RMDN2: variants seen among roughly 807,000 people sequenced by gnomAD.
RMDN2 encodes the protein regulator of microtubule dynamics protein 2.
In RMDN2, 61 loss-of-function variants were observed where a neutral mutation model predicts 52.8. That is an observed-to-expected ratio of 1.16 (90% CI 0.94 to 1.43). The LOEUF (loss-of-function observed/expected upper bound fraction) is 1.43. Among genes scored for constraint, RMDN2 ranks in the 40% most tolerant of loss-of-function variants. The pLI is 0.00. For synonymous variants in RMDN2, 180 were observed against 153.1 expected, an observed-to-expected ratio of 1.18 and a Z score of -1.30; for missense variants, 592 against 475.3, an observed-to-expected ratio of 1.25 and a Z score of -2.28.
intron 2 of RMDN2, among the ~76,000 whole-genome samples, chr2:37,967,078 T>A (rs1297122352): frequency 6.6e-6 from 1 of 151,852 alleles, no homozygotes; most frequent in Non-Finnish European, 1.5e-5. Flanking sequence ...TAAGAAGGGA[T>A]GAGGTGATGT....
intron 2 of RMDN2, among the ~76,000 whole-genome samples, chr2:37,942,217 C>T (rs912557409): frequency 6.6e-6 from 1 of 152,178 alleles, no homozygotes; most frequent in African/African-American, 2.4e-5. Context: ...TCACCTCACC[C>T]TCCATAGGCT....
At chr2:38,041,427 G>GTTTTTTTTTTTTTTTTTTTTGTTTT (rs3057329) in intron 10 of RMDN2, among the ~76,000 whole-genome samples, 4 of 120,076 alleles carry the variant, frequency 3.3e-5, no homozygotes, top group Non-Finnish European at 4.9e-5. Context: ...TTTTTTATTG[G>GTTTTTTTTTTTTTTTTTTTTGTTTT]TTTTTTTTTT....
chr2:37,990,457 T>C (rs1276002056), intron 6 of RMDN2, among the ~76,000 whole-genome samples: 1 of 131,690 alleles, frequency 7.6e-6, no homozygotes, highest in Non-Finnish European at 1.5e-5. Flanking sequence ...AGGCGGAGGT[T>C]GCAGTGAGCC....
At chr2:38,035,547 A>G (rs1680515669) in intron 10 of RMDN2, among the ~76,000 whole-genome samples, 1 of 152,218 alleles carries the variant, frequency 6.6e-6, no homozygotes, top group Non-Finnish European at 1.5e-5. Context: ...GCATAAAGCT[A>G]TCATACTCAA....
chr2:38,063,857 A>AT (rs1050936493), intron 10 of RMDN2, among the ~76,000 whole-genome samples: 3 of 152,196 alleles, frequency 2.0e-5, no homozygotes, highest in South Asian at 2.1e-4. Context: ...CAGTTTTGTC[A>AT]TTTTTTTAAA....
chr2:38,015,487 C>T (rs745606496), intron 10 of RMDN2, among the ~76,000 whole-genome samples: 3 of 151,946 alleles, frequency 2.0e-5, no homozygotes, highest in African/African-American at 4.8e-5. Flanking sequence ...ATCACTTGAA[C>T]CCGGAAGGCG....
intron 10 of RMDN2, among the ~76,000 whole-genome samples, chr2:38,054,392 A>G (rs796269908): frequency 1.8e-4 from 27 of 152,338 alleles, no homozygotes; most frequent in African/African-American, 6.5e-4. Context: ...TATTAGAACA[A>G]TCTTAAAAAT....
At chr2:38,022,134 G>A (rs539783001), downstream of RMDN2, among the ~76,000 whole-genome samples, 33 of 152,194 alleles carry the variant, frequency 2.2e-4, no homozygotes, top group African/African-American at 7.2e-4. Flanking sequence ...TACTCACAAC[G>A]GATATATAAA....
chr2:38,021,494 G>A (rs912265530), downstream of RMDN2, among the ~76,000 whole-genome samples: 1 of 152,058 alleles, frequency 6.6e-6, no homozygotes, highest in Non-Finnish European at 1.5e-5. Context: ...GCGAAGGTCT[G>A]CAGCTTCACT....
At chr2:37,967,699 C>T (rs573521299) in intron 2 of RMDN2, among the ~76,000 whole-genome samples, 146 of 152,350 alleles carry the variant, frequency 9.6e-4, no homozygotes, top group Non-Finnish European at 1.7e-3. Context: ...TCATTCCTCT[C>T]ATCGAACAAG....
chr2:38,030,590 T>C (rs1307843131), intron 10 of RMDN2: 1 of 152,260 alleles, frequency 6.6e-6, no homozygotes, highest in Non-Finnish European at 1.5e-5. Flanking sequence ...AGTTTTCTTT[T>C]AATTGTAAAA....
chr2:38,004,269 C>A, intron 10 of RMDN2, 53 bp downstream of exon 10: 2 of 1,224,330 alleles, frequency 1.6e-6, no homozygotes, highest in Non-Finnish European at 2.4e-6. Context: ...ACTATTCGAG[C>A]TCAAAACAGG....
intron 10 of RMDN2, among the ~76,000 whole-genome samples, chr2:38,009,055 A>G (rs890322648): frequency 6.6e-6 from 1 of 152,148 alleles, no homozygotes; most frequent in Non-Finnish European, 1.5e-5. Context: ...TGGCTTGTAG[A>G]GTTTCTGCTG....
chr2:37,954,915 T>C (rs575569723), intron 2 of RMDN2, among the ~76,000 whole-genome samples: 1 of 152,238 alleles, frequency 6.6e-6, no homozygotes, highest in Admixed American at 6.5e-5. Context: ...TTTCATCTCC[T>C]TAGTTAAGTT....
chr2:37,978,684 G>A (rs1416424944), intron 4 of RMDN2, among the ~76,000 whole-genome samples: 1 of 152,066 alleles, frequency 6.6e-6, no homozygotes, highest in African/African-American at 2.4e-5. Context: ...CGACTGAGGT[G>A]GGAGGATCGT....
intron 10 of RMDN2, chr2:38,012,557 A>G (rs1371300770): frequency 2.2e-6 from 1 of 464,840 alleles, no homozygotes; most frequent in Non-Finnish European, 4.4e-6. Flanking sequence ...TGTAATAAGC[A>G]AAATAGTATG....
chr2:38,046,178 A>G (rs1681261870), intron 10 of RMDN2, among the ~76,000 whole-genome samples: 1 of 152,248 alleles, frequency 6.6e-6, no homozygotes, highest in South Asian at 2.1e-4. Flanking sequence ...AGAACTTTCA[A>G]GACAGTAAAA....
chr2:37,981,652 T>C (rs1673333818), intron 5 of RMDN2, among the ~76,000 whole-genome samples: 1 of 152,204 alleles, frequency 6.6e-6, no homozygotes, highest in South Asian at 2.1e-4. Context: ...ACACAAATAC[T>C]AAAATGATAG....
chr2:37,979,895 TC>T (rs1673080460), intron 4 of RMDN2, among the ~76,000 whole-genome samples: 1 of 152,220 alleles, frequency 6.6e-6, no homozygotes, highest in African/African-American at 2.4e-5. Flanking sequence ...ATGTTTTTAA[TC>T]ATTCATTTAA....
Sources: allele counts gnomAD v4.1 joint callset (sites outside exome capture counted in the v4.1 genomes callset), GRCh38; gene constraint gnomAD v4.1.1; transcripts MANE v1.5; gene names NCBI Gene and HGNC (gene_info 2026-07-23, HGNC 2026-07-21).